Variants in SEMA6A observed in about 807,000 individuals in gnomAD.
The protein encoded by SEMA6A is semaphorin 6A.
In SEMA6A, 25 loss-of-function variants were observed where a neutral mutation model predicts 96.8. The observed-to-expected ratio is 0.26, with a 90% CI of 0.19 to 0.36. The LOEUF (loss-of-function observed/expected upper bound fraction) is 0.36. Among genes scored for constraint, SEMA6A ranks in the 10% least tolerant of loss-of-function variants. The pLI is 1.00. For synonymous variants in SEMA6A, 612 were observed against 518.0 expected (o/e 1.18, Z -2.46); for missense variants, 1,363 against 1,323.1 (o/e 1.03, Z -0.47).
At chr5:116,470,781 C>A (rs1176179992) in intron 17 of SEMA6A, among the ~76,000 whole-genome samples, 1 of 152,178 alleles carries the variant, frequency 6.6e-6, no homozygotes, top group South Asian at 2.1e-4. Context: ...TATGAGCCTA[C>A]ACTCAGCCAC....
chr5:116,573,282 C>T (rs1344258452), intron 1 of SEMA6A, among the ~76,000 whole-genome samples: 1 of 152,188 alleles, frequency 6.6e-6, no homozygotes, highest in African/African-American at 2.4e-5. Context: ...CATCTTCTGC[C>T]AGGTCTCTCA....
chr5:116,473,921 C>G (rs1372378332), intron 16 of SEMA6A, among the ~76,000 whole-genome samples: 1 of 152,170 alleles, frequency 6.6e-6, no homozygotes, highest in Non-Finnish European at 1.5e-5. Flanking sequence ...GGTTAAAGGT[C>G]AAAGGCACAC....
At position 116,444,642 on chromosome 5, in the gene SEMA6A, C is replaced by T. The variant is rs1754076836; in HGVS notation, c.*1971G>A. 6.6e-6 allele frequency: 1 copy of T among 152,562 alleles called. No individual in the cohort carries two copies. The highest frequency in any genetic ancestry group is 1.5e-5 in the Non-Finnish European group (1 of 68,036). 9.5% of individuals were successfully genotyped at this position (152,562 alleles called of 1,614,324 possible). ...AGAAAAACACACACCACCTCCCATC[C>T]CCTAAAAACATAATTAACAAAATAA... On this transcript the variant is annotated 3_prime_UTR_variant, in exon 19 of 19. Coordinates refer to ENST00000343348, the MANE Select transcript of SEMA6A (RefSeq NM_020796.5).
At chr5:116,505,398 C>T (rs1276655469) in intron 1 of SEMA6A, among the ~76,000 whole-genome samples, 3 of 151,634 alleles carry the variant, frequency 2.0e-5, no homozygotes, top group East Asian at 3.9e-4. Context: ...CCATACTGAC[C>T]TAAATGACAG....
At position 116,447,193 on chromosome 5, in the gene SEMA6A, AC is replaced by A. The variant is rs1754276102; in HGVS notation, c.2512del (p.Val838TrpfsTer31). On this transcript the variant is annotated frameshift_variant, in exon 19 of 19. Transcript: ENST00000343348. LOFTEE classifies it high-confidence loss of function. ...EYVDQPKMSE[V>X]AQMALEDQAA... ...CTGGTCCTCCAGCGCCATCTGGGCC[AC>A]CTCGCTCATTTTGGGCTGGTCCACG... 1 of 1,613,770 alleles carries A rather than the reference AC, an allele frequency of 6.2e-7. No individual in the cohort carries two copies. Among genetic ancestry groups the A allele is most frequent in the Admixed American group, 1.7e-5 (1 of 59,990 alleles).
intron 17 of SEMA6A, chr5:116,471,285 AAG>A (rs1387686283): frequency 2.6e-5 from 4 of 152,198 alleles, no homozygotes; most frequent in Non-Finnish European, 4.4e-5. Context: ...TAAAGGAAAT[AAG>A]AGAGAACATA....
chr5:116,487,662 C>G (rs543243240), intron 9 of SEMA6A, among the ~76,000 whole-genome samples: 2 of 151,970 alleles, frequency 1.3e-5, no homozygotes, highest in African/African-American at 4.8e-5. Context: ...GTCAGGAGTT[C>G]GAGACCACCC....
chr5:116,488,233 A>C, intron 8 of SEMA6A, 37 bp from the exon 9 acceptor site: 4 of 1,331,000 alleles, frequency 3.0e-6, no homozygotes, highest in Non-Finnish European at 3.2e-6. Context: ...GGAACATGTC[A>C]AACAGAGTTA....
intron 1 of SEMA6A, among the ~76,000 whole-genome samples, chr5:116,511,911 G>C (rs1197820638): frequency 3.9e-5 from 6 of 152,202 alleles, no homozygotes; most frequent in Non-Finnish European, 7.3e-5. Flanking sequence ...TTCAGTAGCT[G>C]ATAGGATAAA....
intron 1 of SEMA6A, among the ~76,000 whole-genome samples, chr5:116,529,971 T>C (rs1409016713): frequency 1.3e-5 from 2 of 152,112 alleles, no homozygotes; most frequent in Non-Finnish European, 2.9e-5. Flanking sequence ...CAAGCCTGCA[T>C]GTATACCCTC....
At chr5:116,478,825 G>A in intron 12 of SEMA6A, 107 bp from the exon 13 acceptor site, 2 of 1,044,714 alleles carry the variant, frequency 1.9e-6, no homozygotes, top group Admixed American at 2.8e-5. Context: ...ATAACCTCAA[G>A]AAAAATATAT....
At chr5:116,502,722 A>T (rs957951040) in intron 2 of SEMA6A, 6 of 175,604 alleles carry the variant, frequency 3.4e-5, no homozygotes, top group Non-Finnish European at 4.8e-5. Context: ...TCGGGACAAA[A>T]CTATTTCAAA....
At chr5:116,539,592 T>TGC (rs763290361) in intron 1 of SEMA6A, among the ~76,000 whole-genome samples, 1 of 139,592 alleles carries the variant, frequency 7.2e-6, no homozygotes. Context: ...ATTCTGTGCG[T>TGC]GTGTGTGTGT....
intron 1 of SEMA6A, among the ~76,000 whole-genome samples, chr5:116,505,661 CTG>C (rs1758113585): frequency 6.6e-6 from 1 of 152,142 alleles, no homozygotes; most frequent in Non-Finnish European, 1.5e-5. Flanking sequence ...CAAGGAGAAT[CTG>C]AAACTGCATT....
At chr5:116,569,725 G>C (rs1404540185) in intron 1 of SEMA6A, among the ~76,000 whole-genome samples, 1 of 152,156 alleles carries the variant, frequency 6.6e-6, no homozygotes, top group Non-Finnish European at 1.5e-5. Flanking sequence ...ATGTAGGTGT[G>C]ACAGAGAAGC....
rs1212073260 is a variant in SEMA6A, at chr5:116,447,549, C to T, written c.2157G>A (p.Pro719=). Residue 719 remains proline (P), a synonymous_variant, in exon 19 of 19, where the codon CCG becomes CCA. Transcript: ENST00000343348. ...FGDTQSKDPK[P]EAILTPLMHN... is the part of the protein sequence containing the mutation. ...GCATGAGTGGCGTGAGGATGGCCTC[C>T]GGCTTTGGGTCTTTGGATTGAGTGT... is the stretch of plus-strand genomic sequence containing the variant. 4 of 1,614,054 alleles carry T rather than the reference C, an allele frequency of 2.5e-6. No homozygotes were observed. Among genetic ancestry groups the T allele is most frequent in the Non-Finnish European group, 2.5e-6 (3 of 1,179,904 alleles).
At chr5:116,551,314 G>GGATACACACACACACA (rs1554093299) in intron 1 of SEMA6A, among the ~76,000 whole-genome samples, 1 of 43,972 alleles carries the variant, frequency 2.3e-5, no homozygotes. Flanking sequence ...GATAGTCTTA[G>GGATACACACACACACA]CATACACACA....
At chr5:116,473,974 A>G (rs1291425480) in intron 16 of SEMA6A, among the ~76,000 whole-genome samples, 3 of 152,196 alleles carry the variant, frequency 2.0e-5, no homozygotes, top group Non-Finnish European at 4.4e-5. Context: ...TTGACCACTA[A>G]GATTACTCTG....
chr5:116,453,524 A>G (rs769284307), intron 18 of SEMA6A, among the ~76,000 whole-genome samples: 1 of 152,246 alleles, frequency 6.6e-6, no homozygotes, highest in African/African-American at 2.4e-5. Context: ...GCACTTGTAG[A>G]GAAAATACAA....
Sources: gnomAD v4.1 joint callset for allele counts (sites outside exome capture counted in the v4.1 genomes callset) on GRCh38, gnomAD v4.1.1 for gene constraint, MANE v1.5 for transcripts, NCBI Gene and HGNC (gene_info 2026-07-23, HGNC 2026-07-21) for gene names.